Variants in MACROD1 observed in about 807,000 individuals in gnomAD.
The protein encoded by MACROD1 is mono-ADP ribosylhydrolase 1.
Under a neutral mutation model 41.4 loss-of-function variants are expected in MACROD1, and 31 were observed. The ratio of observed to expected loss-of-function variants is 0.75; its 90% CI spans 0.56 to 1.01. MACROD1 has a LOEUF of 1.01. MACROD1 is among the 50% of genes least tolerant of loss of function. MACROD1 has a pLI of 0.00. For synonymous variants in MACROD1, 252 were observed against 203.4 expected (o/e 1.24, Z -2.03); for missense variants, 473 against 460.0 (o/e 1.03, Z -0.26).
chr11:64,076,829 C>T (rs964941360), intron 3 of MACROD1, among the ~76,000 whole-genome samples: 6 of 152,212 alleles, frequency 3.9e-5, no homozygotes, highest in African/African-American at 1.2e-4. Context: ...AGCAGCCCCC[C>T]GGTCCTCCTG....
At chr11:64,031,996 T>C (rs1052466383) in intron 3 of MACROD1, among the ~76,000 whole-genome samples, 1 of 152,188 alleles carries the variant, frequency 6.6e-6, no homozygotes, top group Non-Finnish European at 1.5e-5. Flanking sequence ...CCTCTGAACA[T>C]CTGCAATTTG....
intron 3 of MACROD1, among the ~76,000 whole-genome samples, chr11:64,147,486 G>A (rs1945510984): frequency 6.6e-6 from 1 of 151,810 alleles, no homozygotes; most frequent in African/African-American, 2.4e-5. Flanking sequence ...GACCTCCCAG[G>A]TTCAAGCAAT....
Position 64,015,237 on chromosome 11 carries a change from A to G in MACROD1, c.547+15T>C. 6.3e-7 allele frequency: 1 copy of G among 1,598,008 alleles called. No individual in the cohort carries two copies. Among genetic ancestry groups the G allele is most frequent in the Non-Finnish European group, 8.5e-7 (1 of 1,172,436 alleles). On this transcript the variant is annotated intron_variant, in intron 4 of 10. Coordinates refer to ENST00000255681, the MANE Select transcript of MACROD1 (RefSeq NM_014067.4). The stretch of plus-strand genomic sequence containing the variant: ...TGCCACACCCCACCCCCACCAAGAC[A>G]GAAGGTCCACTCACCGCCACCGCCT...
intron 3 of MACROD1, among the ~76,000 whole-genome samples, chr11:64,047,814 T>C (rs1403171268): frequency 1.3e-5 from 2 of 151,326 alleles, no homozygotes; most frequent in African/African-American, 4.9e-5. Context: ...GGAGAATCGC[T>C]TGAACCTGGG....
chr11:64,077,440 T>C (rs1235206972), intron 3 of MACROD1, among the ~76,000 whole-genome samples: 2 of 152,048 alleles, frequency 1.3e-5, no homozygotes, highest in African/African-American at 4.8e-5. Context: ...CCCCCCAAGC[T>C]TCTTGGTTTT....
rs903670121 is a variant in MACROD1, at chr11:64,061,484, C to A, written c.518-46203G>T. ...GCTTTCCAAGTCCCCTGCCTCTGAC[C>A]CCGCAGTCCCCAGGCAGCTCCTCCC... On this transcript the variant is annotated intron_variant, in intron 3 of 10. Coordinates refer to ENST00000255681, the MANE Select transcript of MACROD1 (RefSeq NM_014067.4). 5.2e-4 allele frequency among the ~76,000 whole-genome samples: 79 copies of A among 152,294 alleles called. 1 individual carries two copies. The highest frequency in any genetic ancestry group is 2.4e-4 in the Non-Finnish European group (16 of 68,024).
chr11:63,999,576 T>C lies in MACROD1; in HGVS notation c.787-16A>G. On this transcript the variant is annotated splice_polypyrimidine_tract_variant and intron_variant, in intron 6 of 10. Coordinates refer to ENST00000255681, the MANE Select transcript of MACROD1 (RefSeq NM_014067.4). ...AGGGGAACGCCTGGGCGGGGAGGGG[T>C]GAGAGGGGGTTGGAACATTGTCACT... The C allele has an allele frequency of 6.2e-7, 1 of 1,608,748 alleles. No homozygotes were observed. The highest frequency in any genetic ancestry group is 8.5e-7 in the Non-Finnish European group (1 of 1,178,410).
At chr11:64,143,820 G>A (rs1945452409) in intron 3 of MACROD1, among the ~76,000 whole-genome samples, 1 of 143,344 alleles carries the variant, frequency 7.0e-6, no homozygotes, top group Non-Finnish European at 1.5e-5. Flanking sequence ...GGGGGCTCTG[G>A]AGCTCGGCAA....
rs1358619169 is a variant in MACROD1, at chr11:64,082,073, A to G, written c.518-66792T>C. Reference sequence around the variant, plus strand: ...GAGCTGCAGCGTCCTGGGCTGGGGCAGAGGGGCCGTGGCGAGAACAGATGG... The same window carrying G: ...GAGCTGCAGCGTCCTGGGCTGGGGCGGAGGGGCCGTGGCGAGAACAGATGG... On this transcript the variant is annotated intron_variant, in intron 3 of 10. Transcript: ENST00000255681. The surrounding 1 kb of genome is among the most constrained non-coding windows in gnomAD (Gnocchi z 4.5). The G allele has an allele frequency of 6.6e-6, 1 of 152,202 alleles. No homozygotes were observed. Among genetic ancestry groups the G allele is most frequent in the Non-Finnish European group, 1.5e-5 (1 of 68,078 alleles). 9.4% of individuals were successfully genotyped at this position (152,202 alleles called of 1,614,324 possible).
chr11:64,096,706 C>T lies in MACROD1; in HGVS notation c.517+54533G>A, dbSNP rs1944582397. On this transcript the variant is annotated intron_variant, in intron 3 of 10. Transcript: ENST00000255681. This position sits in a 1 kb window ranked among gnomAD's most constrained non-coding sequence, Gnocchi z 4.6. Reference sequence around the variant, plus strand: ...TGCTGGGATTACAGGCATGAGCCACCGCACCCTACCCTCTCCCCCTTTTGT... The same window carrying T: ...TGCTGGGATTACAGGCATGAGCCACTGCACCCTACCCTCTCCCCCTTTTGT... Among the ~76,000 whole-genome samples, 1 of 152,206 alleles carries T rather than the reference C, an allele frequency of 6.6e-6. No individual in the cohort carries two copies. The highest frequency in any genetic ancestry group is 1.5e-5 in the Non-Finnish European group (1 of 68,032).
intron 3 of MACROD1, among the ~76,000 whole-genome samples, chr11:64,078,259 C>G (rs1944240053): frequency 6.6e-6 from 1 of 152,182 alleles, no homozygotes; most frequent in South Asian, 2.1e-4. Context: ...CAGGTGTGCT[C>G]TCAGCACAGG....
intron 3 of MACROD1, among the ~76,000 whole-genome samples, chr11:64,028,894 T>TA (rs1183029191): frequency 2.0e-5 from 3 of 152,168 alleles, no homozygotes; most frequent in Admixed American, 6.5e-5. Flanking sequence ...TCTTTCTCCT[T>TA]ACTTCCCTGC....
At chr11:64,007,175 C>G (rs1942926479) in intron 4 of MACROD1, among the ~76,000 whole-genome samples, 1 of 152,192 alleles carries the variant, frequency 6.6e-6, no homozygotes, top group African/African-American at 2.4e-5. Context: ...CTCTACCATT[C>G]AAAAAATGCG....
At chr11:64,142,356 C>A (rs1479308264) in intron 3 of MACROD1, among the ~76,000 whole-genome samples, 1 of 152,142 alleles carries the variant, frequency 6.6e-6, no homozygotes, top group Non-Finnish European at 1.5e-5. Flanking sequence ...ACAGGGAAAC[C>A]CTACCTCTAC....
chr11:64,165,281 G>A (rs899360226), intron 1 of MACROD1, among the ~76,000 whole-genome samples: 1 of 152,196 alleles, frequency 6.6e-6, no homozygotes, highest in African/African-American at 2.4e-5. Flanking sequence ...AGTTTGGAGA[G>A]TCCGGGATCA....
At chr11:64,132,140 G>A (rs895595021) in intron 3 of MACROD1, among the ~76,000 whole-genome samples, 1 of 152,026 alleles carries the variant, frequency 6.6e-6, no homozygotes, top group African/African-American at 2.4e-5. Flanking sequence ...GGGGAGCTGG[G>A]GACAAGGGGA....
At chr11:64,046,330 G>A (rs1449381269) in intron 3 of MACROD1, among the ~76,000 whole-genome samples, 1 of 152,218 alleles carries the variant, frequency 6.6e-6, no homozygotes, top group Non-Finnish European at 1.5e-5. Flanking sequence ...GTGGGGCACA[G>A]ATGAGGAAAC....
At chr11:64,030,047 A>C (rs1829778235) in intron 3 of MACROD1, among the ~76,000 whole-genome samples, 1 of 152,030 alleles carries the variant, frequency 6.6e-6, no homozygotes, top group African/African-American at 2.4e-5. Flanking sequence ...GACAGGTGGA[A>C]CAACCACCCC....
intron 3 of MACROD1, among the ~76,000 whole-genome samples, chr11:64,045,170 G>A (rs1166380583): frequency 2.6e-5 from 4 of 151,860 alleles, no homozygotes; most frequent in East Asian, 3.9e-4. Flanking sequence ...GGCCTGTGAC[G>A]TCAGCAGGTG....
Sources: gnomAD v4.1 joint callset for allele counts (sites outside exome capture counted in the v4.1 genomes callset) on GRCh38, gnomAD v4.1.1 for gene constraint, Gnocchi (gnomAD v3.1) non-coding constraint, MANE v1.5 for transcripts, NCBI Gene and HGNC (gene_info 2026-07-23, HGNC 2026-07-21) for gene names.